SLC24A3: variants seen among roughly 807,000 people sequenced by gnomAD.
SLC24A3 encodes the protein solute carrier family 24 member 3.
Under a neutral mutation model 75.8 loss-of-function variants are expected in SLC24A3, and 28 were observed. The observed-to-expected ratio is 0.37, with a 90% CI of 0.27 to 0.51. SLC24A3 has a LOEUF of 0.51. Among genes scored for constraint, SLC24A3 ranks in the 20% least tolerant of loss-of-function variants. The pLI, the probability that SLC24A3 is intolerant of heterozygous loss-of-function variation, is 0.94. For synonymous variants in SLC24A3, 372 were observed against 334.1 expected (o/e 1.11, Z -1.24); for missense variants, 663 against 847.8 (o/e 0.78, Z 2.71).
At chr20:19,462,722 T>G (rs1324843557) in intron 2 of SLC24A3, among the ~76,000 whole-genome samples, 1 of 152,176 alleles carries the variant, frequency 6.6e-6, no homozygotes, top group Non-Finnish European at 1.5e-5. Context: ...CCGAGGCTTC[T>G]CATTGCCATC....
At chr20:19,277,885 T>C (rs912696781) in intron 1 of SLC24A3, among the ~76,000 whole-genome samples, 1 of 152,226 alleles carries the variant, frequency 6.6e-6, no homozygotes, top group Non-Finnish European at 1.5e-5. Flanking sequence ...TTTTAAATCT[T>C]TGGGGTCTTC....
At chr20:19,288,852 G>T (rs1214258951) in intron 2 of SLC24A3, among the ~76,000 whole-genome samples, 1 of 152,168 alleles carries the variant, frequency 6.6e-6, no homozygotes, top group Non-Finnish European at 1.5e-5. Context: ...AAGTTTTATT[G>T]GAACACAGCC....
chr20:19,417,865 C>A (rs1294655681), intron 2 of SLC24A3, among the ~76,000 whole-genome samples: 2 of 152,106 alleles, frequency 1.3e-5, no homozygotes, highest in Non-Finnish European at 2.9e-5. Flanking sequence ...AATGGTGAGA[C>A]CCCTGCCTAG....
intron 1 of SLC24A3, among the ~76,000 whole-genome samples, chr20:19,272,676 C>T (rs1012366615): frequency 6.6e-6 from 1 of 152,190 alleles, no homozygotes; most frequent in African/African-American, 2.4e-5. Context: ...AGGGGCATGG[C>T]CCTGAGGGGT....
chr20:19,230,217 C>G (rs1981981028), intron 1 of SLC24A3, among the ~76,000 whole-genome samples: 1 of 152,094 alleles, frequency 6.6e-6, no homozygotes, highest in African/African-American at 2.4e-5. Flanking sequence ...ACCACTCTCA[C>G]CTGGTCACAA....
At chr20:19,301,485 G>T (rs901651994) in intron 2 of SLC24A3, among the ~76,000 whole-genome samples, 1 of 152,116 alleles carries the variant, frequency 6.6e-6, no homozygotes, top group Non-Finnish European at 1.5e-5. Context: ...CCACATCCTT[G>T]GTTATCCTCA....
At chr20:19,646,316 G>A (rs751661492) in intron 6 of SLC24A3, among the ~76,000 whole-genome samples, 3 of 152,006 alleles carry the variant, frequency 2.0e-5, no homozygotes, top group Non-Finnish European at 2.9e-5. Context: ...ACTATTTTTA[G>A]TATACTGTAT....
At chr20:19,720,946 G>T (rs779683305) in intron 16 of SLC24A3, 45 bp from the exon 17 acceptor site, 2 of 1,606,426 alleles carry the variant, frequency 1.2e-6, no homozygotes, top group South Asian at 1.1e-5. Context: ...CCCAAAGGCT[G>T]CTGCCTCCTC....
chr20:19,446,300 T>G (rs1987383288), intron 2 of SLC24A3, among the ~76,000 whole-genome samples: 1 of 152,200 alleles, frequency 6.6e-6, no homozygotes, highest in South Asian at 2.1e-4. Flanking sequence ...AAAGCTAATA[T>G]TTACAGATTT....
intron 2 of SLC24A3, among the ~76,000 whole-genome samples, chr20:19,503,748 C>G (rs1988421409): frequency 6.6e-6 from 1 of 152,198 alleles, no homozygotes; most frequent in Non-Finnish European, 1.5e-5. Context: ...AACAGCTACG[C>G]ATATTCTTAG....
In SLC24A3 at chr20:19,277,244, TATTTACA is replaced by T. The variant is rs549089960; in HGVS notation, c.143-3713_143-3707del. Among the ~76,000 whole-genome samples the T allele has an allele frequency of 5.7e-4, 87 of 152,330 alleles. 2 individuals are homozygous for T. The highest frequency in any genetic ancestry group is 5.5e-3 in the Admixed American group (84 of 15,302). ...TAACCTCTCTGCCTATCAATTTCCT[TATTTACA>T]AAATGGAACTAGTATTTCCATGTAG... On this transcript the variant is annotated intron_variant, in intron 1 of 16. Coordinates refer to ENST00000328041, the MANE Select transcript of SLC24A3 (RefSeq NM_020689.4).
intron 3 of SLC24A3, among the ~76,000 whole-genome samples, chr20:19,519,733 G>A (rs2030066730): frequency 6.6e-6 from 1 of 152,182 alleles, no homozygotes; most frequent in South Asian, 2.1e-4. Context: ...AAGGAAGAAG[G>A]CTATGAATGA....
chr20:19,534,082 A>G (rs953219591), intron 3 of SLC24A3, among the ~76,000 whole-genome samples: 2 of 152,250 alleles, frequency 1.3e-5, no homozygotes, highest in African/African-American at 4.8e-5. Flanking sequence ...AGCACTTGTG[A>G]TAATTACAGA....
At chr20:19,329,305 A>G (rs1341034228) in intron 2 of SLC24A3, among the ~76,000 whole-genome samples, 6 of 152,168 alleles carry the variant, frequency 3.9e-5, no homozygotes, top group African/African-American at 1.2e-4. Context: ...ATGCTAATGA[A>G]ATGGTTTCCT....
intron 3 of SLC24A3, among the ~76,000 whole-genome samples, chr20:19,547,467 A>G (rs1219717049): frequency 6.6e-6 from 1 of 152,244 alleles, no homozygotes; most frequent in African/African-American, 2.4e-5. Flanking sequence ...TGATAGTTGC[A>G]TGATTTCATA....
At chr20:19,351,865 G>A in intron 2 of SLC24A3, among the ~76,000 whole-genome samples, 1 of 152,196 alleles carries the variant, frequency 6.6e-6, no homozygotes, top group East Asian at 1.9e-4. Flanking sequence ...AGAGAGCACA[G>A]CTTCAAAACA....
At chr20:19,584,775 G>A (rs973897722) in intron 4 of SLC24A3, among the ~76,000 whole-genome samples, 196 bp from the exon 5 acceptor site, 1 of 152,210 alleles carries the variant, frequency 6.6e-6, no homozygotes, top group Non-Finnish European at 1.5e-5. Context: ...GCAGGGGATC[G>A]GCAGCAGTGG....
At chr20:19,325,995 C>T (rs936107875) in intron 2 of SLC24A3, among the ~76,000 whole-genome samples, 1 of 151,796 alleles carries the variant, frequency 6.6e-6, no homozygotes, top group East Asian at 1.9e-4. Flanking sequence ...CACATGAGGT[C>T]AGGTGTGGTA....
At chr20:19,627,800 A>T (rs145857995) in intron 6 of SLC24A3, among the ~76,000 whole-genome samples, 38 of 152,316 alleles carry the variant, frequency 2.5e-4, no homozygotes, top group African/African-American at 7.7e-4. Flanking sequence ...GTATAAACAC[A>T]GAGTAGTAAT....
Sources: gnomAD v4.1 joint callset for allele counts (sites outside exome capture counted in the v4.1 genomes callset) on GRCh38, gnomAD v4.1.1 for gene constraint, MANE v1.5 for transcripts, NCBI Gene and HGNC (gene_info 2026-07-23, HGNC 2026-07-21) for gene names.